CCSER1: variants seen among roughly 807,000 people sequenced by gnomAD.
CCSER1 encodes serine-rich coiled-coil domain-containing protein 1.
A neutral mutation model predicts 82.0 loss-of-function variants in CCSER1; 41 were observed. The observed-to-expected ratio is 0.50, with a 90% CI of 0.39 to 0.65. CCSER1 has a LOEUF of 0.65. Ranked by LOEUF, CCSER1 falls within the 30% of genes least tolerant of loss-of-function variation. CCSER1 has a pLI of 0.00. For missense variants in CCSER1, 1,119 were observed against 1,064.2 expected (o/e 1.05, Z -0.72); for synonymous variants, 414 against 383.9 (o/e 1.08, Z -0.92).
intron 9 of CCSER1, among the ~76,000 whole-genome samples, chr4:90,927,933 A>T (rs913252698): frequency 1.2e-4 from 18 of 152,012 alleles, no homozygotes; most frequent in Non-Finnish European, 1.8e-4. Context: ...CTGTTCTAAG[A>T]ATTGAATAAC....
Position 90,324,971 on chromosome 4 carries a change from A to G in CCSER1, c.1509+11924A>G, listed in dbSNP as rs1349274006. Among the ~76,000 whole-genome samples the G allele has an allele frequency of 3.9e-5, 6 of 152,226 alleles. 1 individual carries two copies. In the East Asian group the frequency reaches 1.2e-3, roughly 29 times the overall value. ...GTTTTTCTCAGATTTGTCAAAGATC[A>G]GATAGTTGTATATACGTGGCGTTAT... is the stretch of plus-strand genomic sequence containing the variant. On this transcript the variant is annotated intron_variant, in intron 3 of 10. Transcript: ENST00000509176.
chr4:91,447,333 C>T (rs532674578), intron 10 of CCSER1, among the ~76,000 whole-genome samples: 4 of 152,076 alleles, frequency 2.6e-5, no homozygotes, highest in South Asian at 2.1e-4. Flanking sequence ...GTCTTTTGTT[C>T]CTTGTCCTGT....
At chr4:90,847,577 ATACT>A (rs1763370430) in intron 8 of CCSER1, among the ~76,000 whole-genome samples, 2 of 152,284 alleles carry the variant, frequency 1.3e-5, no homozygotes, top group East Asian at 3.9e-4. Flanking sequence ...CTAATAACAG[ATACT>A]TACTTCACCA....
At chr4:90,260,917 T>C (rs1382569802) in intron 1 of CCSER1, among the ~76,000 whole-genome samples, 1 of 152,114 alleles carries the variant, frequency 6.6e-6, no homozygotes, top group Non-Finnish European at 1.5e-5. Flanking sequence ...AATTTCACCA[T>C]GTTGGCCAGG....
intron 7 of CCSER1, among the ~76,000 whole-genome samples, chr4:90,763,648 A>G (rs1399749420): frequency 6.6e-6 from 1 of 152,090 alleles, no homozygotes; most frequent in Non-Finnish European, 1.5e-5. Context: ...TTTATGTCCC[A>G]CAGTTCTGCC....
chr4:91,465,564 G>T (rs567294562), intron 10 of CCSER1, among the ~76,000 whole-genome samples: 2 of 152,252 alleles, frequency 1.3e-5, no homozygotes, highest in Admixed American at 1.3e-4. Context: ...GAATCCAGGA[G>T]CTGGTTTTTT....
chr4:91,525,773 T>A (rs1015244587), intron 10 of CCSER1, among the ~76,000 whole-genome samples: 2 of 152,104 alleles, frequency 1.3e-5, no homozygotes, highest in South Asian at 2.1e-4. Context: ...CTCATATACG[T>A]AGCCTCAACC....
chr4:91,548,607 G>A (rs1234197440), intron 10 of CCSER1, among the ~76,000 whole-genome samples: 2 of 150,884 alleles, frequency 1.3e-5, no homozygotes, highest in African/African-American at 4.9e-5. Context: ...CAGTTTTGAA[G>A]AATAATTTCT....
chr4:90,309,561 A>G lies in CCSER1; in HGVS notation c.1277A>G (p.His426Arg), dbSNP rs111729858. Residue 426 changes from histidine (H) to arginine (R), a missense_variant, in exon 2 of 11, where the codon CAT becomes CGT. Coordinates refer to ENST00000509176, the MANE Select transcript of CCSER1 (RefSeq NM_001145065.2). ...ATAATACCTACTTCTGGTGATCATC[A>G]TATTTTTAACAAAACATCACATGGA... is the stretch of plus-strand genomic sequence containing the variant. ...SKIIPTSGDH[H>R]IFNKTSHGYE... The G allele has an allele frequency of 2.3e-4, 371 of 1,605,914 alleles. 2 individuals are homozygous for G. The African/African-American group carries it at 4.3e-3, about 19-fold the overall frequency.
intron 7 of CCSER1, among the ~76,000 whole-genome samples, chr4:90,802,237 AC>A (rs1037423538): frequency 6.8e-6 from 1 of 148,082 alleles, no homozygotes; most frequent in Admixed American, 6.8e-5. Flanking sequence ...TAAATTAATT[AC>A]AAATATATAA....
chr4:90,589,649 A>G (rs1457813187), intron 5 of CCSER1, among the ~76,000 whole-genome samples: 2 of 152,138 alleles, frequency 1.3e-5, no homozygotes, highest in Non-Finnish European at 2.9e-5. Flanking sequence ...CTATAATATG[A>G]GTTCATTATA....
chr4:90,225,412 AGAAAACAAAAATG>A lies in CCSER1; in HGVS notation c.-41-82826_-41-82814del, dbSNP rs1162536400. ...TCTGTTACCTATTCTAAAGTTAAGA[AGAAAACAAAAATG>A]GAAAAACAAGCAACCTAAACTATAA... On this transcript the variant is annotated intron_variant, in intron 1 of 10. Coordinates refer to ENST00000509176, the MANE Select transcript of CCSER1 (RefSeq NM_001145065.2). Among the ~76,000 whole-genome samples, 3 of 152,204 alleles carry A rather than the reference AGAAAACAAAAATG, an allele frequency of 2.0e-5. No individual in the cohort carries two copies. The South Asian group carries it at 6.2e-4, about 32-fold the overall frequency.
chr4:90,934,052 A>G (rs148647624), intron 9 of CCSER1, among the ~76,000 whole-genome samples: 174 of 151,966 alleles, frequency 1.1e-3, no homozygotes, highest in Admixed American at 3.0e-3. Flanking sequence ...CTGAACATAC[A>G]CTTTCATATG....
intron 9 of CCSER1, among the ~76,000 whole-genome samples, chr4:91,082,886 A>G (rs188437175): frequency 1.4e-4 from 22 of 152,210 alleles, no homozygotes; most frequent in African/African-American, 2.4e-4. Flanking sequence ...AGTTAGAATG[A>G]CGATCATTAA....
At chr4:90,674,311 A>G (rs1034116028) in intron 6 of CCSER1, among the ~76,000 whole-genome samples, 6 of 152,052 alleles carry the variant, frequency 3.9e-5, no homozygotes, top group Admixed American at 2.6e-4. Context: ...TGACCCAGTT[A>G]TATAGTTTGA....
chr4:90,258,468 C>T lies in CCSER1; in HGVS notation c.-41-49776C>T, dbSNP rs190194836. On this transcript the variant is annotated intron_variant, in intron 1 of 10. Coordinates refer to ENST00000509176, the MANE Select transcript of CCSER1 (RefSeq NM_001145065.2). ...CAGAGGTTGCAGTGAGCTGAGATCACGCCACTGCATTCCAGCCTGGCGAAA... is the reference window on the plus strand; with the variant it reads ...CAGAGGTTGCAGTGAGCTGAGATCATGCCACTGCATTCCAGCCTGGCGAAA... Among the ~76,000 whole-genome samples the T allele has an allele frequency of 5.9e-5, 9 of 152,188 alleles. No individual in the cohort carries two copies. The South Asian group carries it at 6.2e-4, about 11-fold the overall frequency.
intron 1 of CCSER1, among the ~76,000 whole-genome samples, chr4:90,216,124 G>A (rs1166545865): frequency 1.3e-5 from 2 of 152,196 alleles, no homozygotes; most frequent in South Asian, 2.1e-4. Context: ...ACTCAAATGT[G>A]TGGTGGTTCT....
chr4:90,308,324 C>G lies in CCSER1; in HGVS notation c.40C>G (p.Arg14Gly). 5 of 1,602,580 alleles carry G rather than the reference C, an allele frequency of 3.1e-6. No homozygotes were observed. The highest frequency in any genetic ancestry group is 4.3e-6 in the Non-Finnish European group (5 of 1,174,250). Reference sequence around the variant, plus strand: ...ATCAAGACGATCTACCCTGGTCTCCCGGTTGCCAATATTCAGAAGAAGTAT... The same window carrying G: ...ATCAAGACGATCTACCCTGGTCTCCGGGTTGCCAATATTCAGAAGAAGTAT... ...SGSRRSTLVS[R>G]LPIFRRSINR... The change falls in exon 2 of 11, where the codon CGG (arginine) becomes GGG (glycine). Residue 14 changes from arginine to glycine, a missense_variant. By Grantham distance (125) the Arg-to-Gly change is moderately radical (BLOSUM62 -2). Transcript: ENST00000509176.
intron 5 of CCSER1, among the ~76,000 whole-genome samples, chr4:90,570,863 T>C (rs2153653924): frequency 6.6e-6 from 1 of 152,058 alleles, no homozygotes; most frequent in Middle Eastern, 3.4e-3. Flanking sequence ...AAAAATATAT[T>C]GTGTTTACGC....
Sources: gnomAD v4.1 joint callset for allele counts (sites outside exome capture counted in the v4.1 genomes callset) on GRCh38, gnomAD v4.1.1 for gene constraint, MANE v1.5 for transcripts, NCBI Gene and HGNC (gene_info 2026-07-23, HGNC 2026-07-21) for gene names.